Variants in ATP9A observed in about 807,000 individuals in gnomAD.
ATP9A encodes probable phospholipid-transporting ATPase IIA.
Under a neutral mutation model 144.1 loss-of-function variants are expected in ATP9A, and 52 were observed. The observed-to-expected ratio is 0.36, with a 90% CI of 0.29 to 0.45. The LOEUF is 0.45. Ranked by LOEUF, ATP9A falls within the 20% of genes least tolerant of loss-of-function variation. The pLI, the probability that ATP9A is intolerant of heterozygous loss-of-function variation, is 1.00. For missense variants in ATP9A, 947 were observed against 1,392.7 expected (o/e 0.68, Z 5.09); for synonymous variants, 582 against 557.4 (o/e 1.04, Z -0.62).
intron 27 of ATP9A, among the ~76,000 whole-genome samples, chr20:51,602,942 G>T (rs2077148842): frequency 6.6e-6 from 1 of 152,168 alleles, no homozygotes; most frequent in Non-Finnish European, 1.5e-5. Flanking sequence ...ACCACTGTTT[G>T]TTCCCCAGGC....
chr20:51,641,876 T>C, intron 14 of ATP9A, among the ~76,000 whole-genome samples: 1 of 149,696 alleles, frequency 6.7e-6, no homozygotes, highest in East Asian at 2.0e-4. Flanking sequence ...GTGGAGGTGA[T>C]GCCTCCCAAG....
chr20:51,605,995 C>T (rs1003219751), intron 26 of ATP9A, among the ~76,000 whole-genome samples: 2 of 151,858 alleles, frequency 1.3e-5, no homozygotes, highest in Non-Finnish European at 2.9e-5. Flanking sequence ...CCCAGCCAGT[C>T]GCGGTGGCTT....
chr20:51,764,945 T>C (rs2077897058), intron 1 of ATP9A, among the ~76,000 whole-genome samples: 1 of 152,122 alleles, frequency 6.6e-6, no homozygotes, highest in Non-Finnish European at 1.5e-5. Context: ...GGTCTCGAAC[T>C]CCTGACCTCG....
chr20:51,596,578 A>C lies in ATP9A; in HGVS notation c.*4633T>G, dbSNP rs1241320450. 3.9e-5 allele frequency: 6 copies of C among 152,196 alleles called. No individual in the cohort carries two copies. Among genetic ancestry groups the C allele is most frequent in the African/African-American group, 1.4e-4 (6 of 41,444 alleles). 9.4% of individuals were successfully genotyped at this position (152,196 alleles called of 1,614,324 possible). Reference sequence around the variant, plus strand: ...AATTCTGACACGTCTGGGATGGACAATAGTACAAAATAATAAATAACATGC... The same window carrying C: ...AATTCTGACACGTCTGGGATGGACACTAGTACAAAATAATAAATAACATGC... On this transcript the variant is annotated 3_prime_UTR_variant, in exon 28 of 28. Coordinates refer to ENST00000338821, the MANE Select transcript of ATP9A (RefSeq NM_006045.3).
chr20:51,623,999 A>C (rs942847695), intron 18 of ATP9A, among the ~76,000 whole-genome samples: 2 of 152,252 alleles, frequency 1.3e-5, no homozygotes, highest in Middle Eastern at 3.4e-3. Context: ...GAAGGAGAAA[A>C]ACCCCAGGAC....
chr20:51,753,037 A>G (rs947191853), intron 1 of ATP9A, among the ~76,000 whole-genome samples: 9 of 151,690 alleles, frequency 5.9e-5, no homozygotes, highest in African/African-American at 2.2e-4. Context: ...GGGAGGCAGA[A>G]GTTGCAGTGA....
intron 15 of ATP9A, among the ~76,000 whole-genome samples, chr20:51,639,117 C>T (rs1021770332): frequency 1.3e-5 from 2 of 152,182 alleles, no homozygotes; most frequent in Admixed American, 1.3e-4. Flanking sequence ...TGGACGTTCT[C>T]TTTAACTTTC....
chr20:51,741,437 C>T (rs1405416612), intron 1 of ATP9A, among the ~76,000 whole-genome samples: 4 of 152,090 alleles, frequency 2.6e-5, no homozygotes, highest in Admixed American at 6.6e-5. Context: ...ATTAGCCAGG[C>T]GTGGTGGCGC....
chr20:51,658,805 C>CCACCG (rs1568807016), intron 13 of ATP9A, among the ~76,000 whole-genome samples: 1 of 150,386 alleles, frequency 6.6e-6, no homozygotes, highest in African/African-American at 2.5e-5. Flanking sequence ...CAGGTGTGAG[C>CCACCG]CACCGTGCCC....
chr20:51,751,067 A>G (rs1248542697), intron 1 of ATP9A, among the ~76,000 whole-genome samples: 1 of 152,126 alleles, frequency 6.6e-6, no homozygotes, highest in Non-Finnish European at 1.5e-5. Flanking sequence ...GGGAAGGAAG[A>G]AGGGAGGGGC....
intron 1 of ATP9A, among the ~76,000 whole-genome samples, chr20:51,766,397 T>C (rs1265866729): frequency 3.9e-5 from 6 of 152,160 alleles, no homozygotes; most frequent in African/African-American, 1.4e-4. Context: ...CTCCTGCACA[T>C]AGTAGGCGTC....
In ATP9A at chr20:51,669,978, T is replaced by A. The variant is rs769111295; in HGVS notation, c.1293+19A>T. Reference sequence around the variant, plus strand: ...AAAAGTCAAAGAATTGTTTTGGGTGTTGAAATGGAAGGCTTTACCTGGGTG... The same window carrying A: ...AAAAGTCAAAGAATTGTTTTGGGTGATGAAATGGAAGGCTTTACCTGGGTG... On this transcript the variant is annotated intron_variant, in intron 13 of 27. Coordinates refer to ENST00000338821, the MANE Select transcript of ATP9A (RefSeq NM_006045.3). The A allele has an allele frequency of 8.9e-6, 14 of 1,578,852 alleles. No individual in the cohort carries two copies. The highest frequency in any genetic ancestry group is 1.7e-5 in the Admixed American group (1 of 59,084).
chr20:51,625,096 G>C (rs1377108989), intron 18 of ATP9A, 96 bp downstream of exon 18: 13 of 1,258,624 alleles, frequency 1.0e-5, no homozygotes, highest in Non-Finnish European at 1.4e-5. Flanking sequence ...GTCCTCTGCT[G>C]CTCCTCCCAC....
intron 1 of ATP9A, among the ~76,000 whole-genome samples, chr20:51,759,958 G>A (rs575742115): frequency 6.6e-6 from 1 of 151,950 alleles, no homozygotes; most frequent in Non-Finnish European, 1.5e-5. Context: ...TCCCTGCCCC[G>A]CCCCCAGACA....
At chr20:51,653,425 G>A (rs1315542840) in intron 14 of ATP9A, among the ~76,000 whole-genome samples, 5 of 152,138 alleles carry the variant, frequency 3.3e-5, no homozygotes, top group Non-Finnish European at 5.9e-5. Flanking sequence ...CTCCAGAGAT[G>A]CCAACAGGAG....
At chr20:51,668,627 C>G (rs773602057) in intron 13 of ATP9A, among the ~76,000 whole-genome samples, 3 of 152,094 alleles carry the variant, frequency 2.0e-5, no homozygotes, top group Non-Finnish European at 4.4e-5. Context: ...GCTCATCCTC[C>G]CTGTCCAGGG....
intron 9 of ATP9A, among the ~76,000 whole-genome samples, chr20:51,679,373 G>A (rs1487156295): frequency 2.0e-5 from 3 of 152,142 alleles, no homozygotes; most frequent in Non-Finnish European, 2.9e-5. Flanking sequence ...CTGGAAGTGT[G>A]GAAGATCTGA....
intron 15 of ATP9A, among the ~76,000 whole-genome samples, chr20:51,637,436 G>C (rs1299322904): frequency 6.6e-6 from 1 of 151,710 alleles, no homozygotes; most frequent in Non-Finnish European, 1.5e-5. Context: ...GGACCAAAAG[G>C]ATCCTGGCCC....
chr20:51,660,867 C>A (rs1471665424), intron 13 of ATP9A, among the ~76,000 whole-genome samples: 3 of 152,152 alleles, frequency 2.0e-5, no homozygotes, highest in Non-Finnish European at 4.4e-5. Flanking sequence ...TTAAAAAATA[C>A]CAGGGGAAAA....
Sources: allele counts gnomAD v4.1 joint callset (sites outside exome capture counted in the v4.1 genomes callset), GRCh38; gene constraint gnomAD v4.1.1; transcripts MANE v1.5; gene names NCBI Gene and HGNC (gene_info 2026-07-23, HGNC 2026-07-21).